PDE10A: variants seen among roughly 807,000 people sequenced by gnomAD.
PDE10A encodes the protein cAMP and cAMP-inhibited cGMP 3',5'-cyclic phosphodiesterase 10A.
A neutral mutation model predicts 97.7 loss-of-function variants in PDE10A; 39 were observed. The ratio of observed to expected loss-of-function variants is 0.40; its 90% CI spans 0.31 to 0.52. The LOEUF (loss-of-function observed/expected upper bound fraction) is 0.52, where lower values mean the gene tolerates loss of function less well. Among genes scored for constraint, PDE10A ranks in the 20% least tolerant of loss-of-function variants. The pLI is 0.56. For synonymous variants in PDE10A, 371 were observed against 376.8 expected, an observed-to-expected ratio of 0.98 and a Z score of 0.18; for missense variants, 731 against 1,047.8, an observed-to-expected ratio of 0.70 and a Z score of 4.17.
intron 18 of PDE10A, among the ~76,000 whole-genome samples, chr6:165,350,669 G>A (rs932241475): frequency 2.6e-5 from 4 of 152,162 alleles, no homozygotes; most frequent in Middle Eastern, 3.2e-3. Context: ...TTGAATTGCA[G>A]TTCCCCTAAC....
At chr6:165,584,697 T>G (rs982777013) in intron 1 of PDE10A, among the ~76,000 whole-genome samples, 1 of 152,226 alleles carries the variant, frequency 6.6e-6, no homozygotes, top group African/African-American at 2.4e-5. Context: ...ATGTCTGGAA[T>G]GCAGAATACC....
intron 1 of PDE10A, among the ~76,000 whole-genome samples, chr6:165,860,868 C>G (rs1780883274): frequency 6.6e-6 from 1 of 152,204 alleles, no homozygotes; most frequent in African/African-American, 2.4e-5. Flanking sequence ...GGCTCCCGCA[C>G]CCATTGCTGC....
At chr6:165,968,310 T>C (rs1784572462) in intron 1 of PDE10A, among the ~76,000 whole-genome samples, 1 of 152,338 alleles carries the variant, frequency 6.6e-6, no homozygotes, top group African/African-American at 2.4e-5. Context: ...TTTTACACAG[T>C]ATTGACATCA....
chr6:165,563,732 A>T (rs1237881383), intron 1 of PDE10A, among the ~76,000 whole-genome samples: 1 of 152,012 alleles, frequency 6.6e-6, no homozygotes, highest in Non-Finnish European at 1.5e-5. Flanking sequence ...CTCTACTAAA[A>T]ATACAAAAAT....
chr6:165,843,990 G>A (rs117660981), intron 1 of PDE10A, among the ~76,000 whole-genome samples: 3,163 of 152,230 alleles, frequency 0.021, 59 homozygotes, highest in Non-Finnish European at 0.028. Context: ...TCCAGAGCAC[G>A]GCACAGGTTC....
intron 17 of PDE10A, among the ~76,000 whole-genome samples, chr6:165,382,151 T>C (rs1181003242): frequency 6.6e-6 from 1 of 152,160 alleles, no homozygotes. Context: ...TGGTTGTATG[T>C]AAATGCTGTG....
intron 5 of PDE10A, among the ~76,000 whole-genome samples, chr6:165,447,684 A>AT (rs1195960141): frequency 6.6e-6 from 1 of 152,254 alleles, no homozygotes; most frequent in Non-Finnish European, 1.5e-5. Flanking sequence ...TAGCTTAGCC[A>AT]TTTTAGAATA....
chr6:165,613,503 G>T (rs1415576918), intron 1 of PDE10A, among the ~76,000 whole-genome samples: 1 of 152,056 alleles, frequency 6.6e-6, no homozygotes, highest in Non-Finnish European at 1.5e-5. Flanking sequence ...GCCAGGCGTG[G>T]TGGTACGCAC....
intron 1 of PDE10A, among the ~76,000 whole-genome samples, chr6:165,889,473 G>A (rs1321690191): frequency 3.3e-5 from 5 of 152,188 alleles, no homozygotes; most frequent in Non-Finnish European, 5.9e-5. Flanking sequence ...ACACCATTGG[G>A]TTCACGGGGG....
intron 18 of PDE10A, among the ~76,000 whole-genome samples, chr6:165,365,271 G>A (rs2128195649): frequency 6.6e-6 from 1 of 152,230 alleles, no homozygotes; most frequent in African/African-American, 2.4e-5. Context: ...TTTTTATGAA[G>A]TTTTAAATCT....
At chr6:165,748,295 T>G (rs1357069865) in intron 1 of PDE10A, among the ~76,000 whole-genome samples, 1 of 152,258 alleles carries the variant, frequency 6.6e-6, no homozygotes, top group African/African-American at 2.4e-5. Flanking sequence ...AAGAGATGGC[T>G]CTTTCCCTGA....
At chr6:165,465,430 C>T (rs536785419) in intron 3 of PDE10A, among the ~76,000 whole-genome samples, 66 of 152,342 alleles carry the variant, frequency 4.3e-4, no homozygotes, top group African/African-American at 1.5e-3. Flanking sequence ...GCCACCTTCA[C>T]TTGTTCTACA....
At chr6:165,887,038 T>C (rs775168018) in intron 1 of PDE10A, among the ~76,000 whole-genome samples, 7 of 152,156 alleles carry the variant, frequency 4.6e-5, no homozygotes, top group Non-Finnish European at 5.9e-5. Flanking sequence ...ATGAGCAAGA[T>C]ACTGAAATCA....
chr6:165,734,428 G>C (rs1032360169), intron 1 of PDE10A, among the ~76,000 whole-genome samples: 1 of 152,110 alleles, frequency 6.6e-6, no homozygotes, highest in African/African-American at 2.4e-5. Context: ...AGCACTCCCA[G>C]AATTTCAGAA....
At chr6:165,842,375 C>T (rs1780287402) in intron 1 of PDE10A, among the ~76,000 whole-genome samples, 1 of 152,166 alleles carries the variant, frequency 6.6e-6, no homozygotes, top group South Asian at 2.1e-4. Context: ...AGTCCCTCAA[C>T]AGTTCTGTAA....
chr6:165,410,019 A>G (rs1787615091), intron 13 of PDE10A, among the ~76,000 whole-genome samples: 1 of 152,058 alleles, frequency 6.6e-6, no homozygotes, highest in African/African-American at 2.4e-5. Context: ...GAAAGTATAC[A>G]ACAATATTTC....
chr6:165,592,350 A>G (rs1354836618), intron 1 of PDE10A, among the ~76,000 whole-genome samples: 2 of 152,176 alleles, frequency 1.3e-5, no homozygotes. Context: ...TACAAACCCT[A>G]GAAGAAAACC....
rs553610683 is a variant in PDE10A, at chr6:165,350,268, C to T, written c.2784-6766G>A. On this transcript the variant is annotated intron_variant, in intron 18 of 21. Coordinates refer to ENST00000539869, the MANE Select transcript of PDE10A (RefSeq NM_001385079.1). ...GAGCCCACCTCTTGCATCAGCATGA[C>T]CTGGATGTGAGACATGGAGTTGAAG... Among the ~76,000 whole-genome samples, 356 of 152,290 alleles carry T rather than the reference C, an allele frequency of 2.3e-3. 2 individuals carry two copies. The highest frequency in any genetic ancestry group is 8.3e-3 in the African/African-American group (343 of 41,564).
At chr6:165,564,789 TAAC>T (rs1784694899) in intron 1 of PDE10A, among the ~76,000 whole-genome samples, 1 of 152,156 alleles carries the variant, frequency 6.6e-6, no homozygotes, top group Non-Finnish European at 1.5e-5. Flanking sequence ...AAAATGGAAA[TAAC>T]AATAGGATGA....
Sources: gnomAD v4.1 joint callset for allele counts (sites outside exome capture counted in the v4.1 genomes callset) on GRCh38, gnomAD v4.1.1 for gene constraint, MANE v1.5 for transcripts, NCBI Gene and HGNC (gene_info 2026-07-23, HGNC 2026-07-21) for gene names.